WDFY3: variants seen among roughly 807,000 people sequenced by gnomAD.
WDFY3 encodes the protein WD repeat and FYVE domain containing 3.
WDFY3 carries 66 observed loss-of-function variants against 409.6 expected under a neutral mutation model. The ratio of observed to expected loss-of-function variants is 0.16; its 90% CI spans 0.13 to 0.20. WDFY3 has a LOEUF of 0.20. Ranked by LOEUF, WDFY3 falls within the 10% of genes least tolerant of loss-of-function variation. The probability of loss-of-function intolerance (pLI) is 1.00; values close to 1 mark genes in which losing one functional copy is unlikely to be tolerated. For synonymous variants in WDFY3, 1,521 were observed against 1,537.1 expected, an observed-to-expected ratio of 0.99 and a Z score of 0.25; for missense variants, 3,031 against 4,298.1, an observed-to-expected ratio of 0.71 and a Z score of 8.24.
At chr4:84,877,426 T>G (rs1345040699) in intron 3 of WDFY3, among the ~76,000 whole-genome samples, 1 of 152,126 alleles carries the variant, frequency 6.6e-6, no homozygotes, top group Non-Finnish European at 1.5e-5. Context: ...CTCCATCTCC[T>G]GGGCTCAAAC....
At chr4:84,674,745 G>A (rs1725970130) in intron 67 of WDFY3, among the ~76,000 whole-genome samples, 1 of 151,190 alleles carries the variant, frequency 6.6e-6, no homozygotes, top group Non-Finnish European at 1.5e-5. Flanking sequence ...GTGCACGCCT[G>A]TAGTCCCAGC....
At chr4:84,839,070 T>G (rs972555222) in intron 6 of WDFY3, among the ~76,000 whole-genome samples, 1 of 152,206 alleles carries the variant, frequency 6.6e-6, no homozygotes, top group Non-Finnish European at 1.5e-5. Context: ...TAGGTTTAGC[T>G]GGCCACTAAG....
chr4:84,718,471 T>A lies in WDFY3; in HGVS notation c.7705A>T (p.Thr2569Ser), dbSNP rs769975051. 1 of 1,614,092 alleles carries A rather than the reference T, an allele frequency of 6.2e-7. No individual in the cohort carries two copies. Among genetic ancestry groups the A allele is most frequent in the South Asian group, 1.1e-5 (1 of 91,080 alleles). Residue 2569 changes from threonine (T) to serine (S), a missense_variant, in exon 48 of 68, where the codon ACC becomes TCC. Physicochemically the swap from Thr to Ser is moderately conservative, Grantham distance 58. Coordinates refer to ENST00000295888, the MANE Select transcript of WDFY3 (RefSeq NM_014991.6). Reference sequence around the variant, plus strand: ...CTTATTTCCCTGGTTGCTGTCATGGTAAATCCATCAATCACATAAAAATGC... The same window carrying A: ...CTTATTTCCCTGGTTGCTGTCATGGAAAATCCATCAATCACATAAAAATGC... Reference protein sequence around the residue: ...KEHFYVIDGFTMTATREIRDI... With the variant: ...KEHFYVIDGFSMTATREIRDI...
chr4:84,747,728 G>A (rs1318914202), intron 36 of WDFY3, among the ~76,000 whole-genome samples: 2 of 151,960 alleles, frequency 1.3e-5, no homozygotes, highest in African/African-American at 4.8e-5. Context: ...GTTTTATAAG[G>A]GGGTTTTCCC....
Position 84,809,507 on chromosome 4 carries a change from C to T in WDFY3, c.2345+380G>A, listed in dbSNP as rs575059117. On this transcript the variant is annotated intron_variant, in intron 14 of 67. Transcript: ENST00000295888. ...ATGTGGAGAATGATGGAGTACGTGTCTGGAAATAAGAATAATCATAATGAT... is the reference window on the plus strand; with the variant it reads ...ATGTGGAGAATGATGGAGTACGTGTTTGGAAATAAGAATAATCATAATGAT... 31 of 160,398 alleles carry T rather than the reference C, an allele frequency of 1.9e-4. No homozygotes were observed. The South Asian group carries it at 3.3e-3, about 17-fold the overall frequency. 9.9% of individuals were successfully genotyped at this position (160,398 alleles called of 1,614,324 possible). A position where few individuals can be genotyped will look rare whatever the true frequency, so the allele number is the denominator to read the frequency against.
intron 21 of WDFY3, among the ~76,000 whole-genome samples, chr4:84,792,733 G>A (rs1748733410): frequency 6.6e-6 from 1 of 152,160 alleles, no homozygotes; most frequent in African/African-American, 2.4e-5. Context: ...CTAGTTTACA[G>A]ATTTATCTCC....
Position 84,921,646 on chromosome 4 carries a change from A to ATTTTTTTT in WDFY3, c.-132+10616_-132+10623dup, listed in dbSNP as rs747576197. Among the ~76,000 whole-genome samples, 60 of 78,676 alleles carry ATTTTTTTT rather than the reference A, an allele frequency of 7.6e-4. 4 individuals are homozygous for ATTTTTTTT. The highest frequency in any genetic ancestry group is 2.9e-3 in the African/African-American group (51 of 17,626). 51.6% of individuals were successfully genotyped at this position (78,676 alleles called of 152,430 possible). ...ATGGAACCAAGTCTCTATTGCTTTC[A>ATTTTTTTT]TTTTTTTTTTTTTTTTTTTTTTTTT... On this transcript the variant is annotated intron_variant, in intron 2 of 67. Transcript: ENST00000295888.
Position 84,930,518 on chromosome 4 carries a change from G to A in WDFY3, c.-132+1752C>T, listed in dbSNP as rs555095308. Among the ~76,000 whole-genome samples, 6 of 152,260 alleles carry A rather than the reference G, an allele frequency of 3.9e-5. No homozygotes were observed. In the East Asian group the frequency reaches 5.8e-4, roughly 15 times the overall value. On this transcript the variant is annotated intron_variant, in intron 2 of 67. Transcript: ENST00000295888. Reference sequence around the variant, plus strand: ...AAAGGTCACAAAGCTAGTACGTGGCGATGCCGGATCTGAATAAATTGAGGT... The same window carrying A: ...AAAGGTCACAAAGCTAGTACGTGGCAATGCCGGATCTGAATAAATTGAGGT...
intron 32 of WDFY3, among the ~76,000 whole-genome samples, chr4:84,760,100 T>A (rs527411439): frequency 6.0e-5 from 9 of 151,090 alleles, no homozygotes; most frequent in Non-Finnish European, 1.3e-4. Flanking sequence ...ATATGCTGGA[T>A]GACATTTATT....
chr4:84,807,928 ACAAATGAT>A (rs1420099549), intron 15 of WDFY3, among the ~76,000 whole-genome samples: 1 of 152,136 alleles, frequency 6.6e-6, no homozygotes, highest in East Asian at 1.9e-4. Flanking sequence ...GTAAAAACCA[ACAAATGAT>A]CCCAACGTTT....
Position 84,783,007 on chromosome 4 carries a change from T to C in WDFY3, c.4130A>G (p.Asn1377Ser), listed in dbSNP as rs752887103. ...GGCCCCAATTGTCCGTGCAGATCCA[T>C]TAAGATGTCCTGCTGAATTGTGTAT... ...KLIHNSAGHLNGSARTIGAAL... is the reference protein window; with the variant it reads ...KLIHNSAGHLSGSARTIGAAL... The change falls in exon 25 of 68, where the codon AAT (asparagine) becomes AGT (serine). Residue 1377 changes from asparagine to serine, a missense_variant. This residue lies in a region of WDFY3 where 1,322 missense variants were observed against 1,697.9 expected (regional missense o/e 0.78). Coordinates refer to ENST00000295888, the MANE Select transcript of WDFY3 (RefSeq NM_014991.6). 1 of 1,614,086 alleles carries C rather than the reference T, an allele frequency of 6.2e-7. No individual in the cohort carries two copies. Among genetic ancestry groups the C allele is most frequent in the South Asian group, 1.1e-5 (1 of 91,070 alleles).
In WDFY3 at chr4:84,739,116, G is replaced by A. The variant is rs915495965; in HGVS notation, c.6468C>T (p.Asn2156=). 3.7e-6 allele frequency: 6 copies of A among 1,613,896 alleles called. No individual in the cohort carries two copies. Among genetic ancestry groups the A allele is most frequent in the Middle Eastern group, 1.7e-4 (1 of 6,060 alleles). The change falls in exon 40 of 68, where the codon AAC becomes AAT. Residue 2156 remains asparagine, a synonymous_variant. Coordinates refer to ENST00000295888, the MANE Select transcript of WDFY3 (RefSeq NM_014991.6). ...HCLINLHVGS[N]VDGFGLEAEA... ...CTGCTTCCAGTCCAAATCCATCCAC[G>A]TTGCTGAAAAATTCCAGTCAGTTTA... is the stretch of plus-strand genomic sequence containing the variant.
intron 6 of WDFY3, among the ~76,000 whole-genome samples, chr4:84,839,503 AAACCTGGAAAATCCCAGG>A (rs1757038097): frequency 6.6e-6 from 1 of 151,912 alleles, no homozygotes; most frequent in Admixed American, 6.6e-5. Context: ...TCCTATCCTA[AAACCTGGAAAATCCCAGG>A]AACACCAGGA....
At position 84,778,385 on chromosome 4, in the gene WDFY3, T is replaced by C. The variant is rs542278967; in HGVS notation, c.4518+118A>G. On this transcript the variant is annotated intron_variant, in intron 27 of 67. Transcript: ENST00000295888. Reference sequence around the variant, plus strand: ...TATATTTTACTAAATGATATTAACATGAACATCATAAAATTATAGGGCTTT... The same window carrying C: ...TATATTTTACTAAATGATATTAACACGAACATCATAAAATTATAGGGCTTT... 28 of 927,230 alleles carry C rather than the reference T, an allele frequency of 3.0e-5. No individual in the cohort carries two copies. The South Asian group carries it at 7.3e-4, about 24-fold the overall frequency. 57.4% of individuals were successfully genotyped at this position (927,230 alleles called of 1,614,324 possible).
chr4:84,764,697 TA>T (rs1340676664), intron 32 of WDFY3, among the ~76,000 whole-genome samples: 404 of 141,150 alleles, frequency 2.9e-3, no homozygotes, highest in Middle Eastern at 7.3e-3. Context: ...CCGTCTCTAC[TA>T]AAAAAAAAAA....
chr4:84,796,575 C>G lies in WDFY3; in HGVS notation c.3113G>C (p.Gly1038Ala). 6.2e-7 allele frequency: 1 copy of G among 1,612,532 alleles called. No individual in the cohort carries two copies. The highest frequency in any genetic ancestry group is 8.5e-7 in the Non-Finnish European group (1 of 1,179,190). ...MTTPHDIRLH[G>A]SSVTPAFVEF... is the part of the protein sequence containing the mutation. ...AACAAAAGCTGGAGTAACTGATGACCCATGAAGTCTGATGTCATGTGGGGT... is the reference window on the plus strand; with the variant it reads ...AACAAAAGCTGGAGTAACTGATGACGCATGAAGTCTGATGTCATGTGGGGT... The change falls in exon 19 of 68, where the codon GGG becomes GCG. Residue 1038 changes from glycine (G) to alanine (A), a missense_variant. Physicochemically the swap from Gly to Ala is moderately conservative, Grantham distance 60. Coordinates refer to ENST00000295888, the MANE Select transcript of WDFY3 (RefSeq NM_014991.6).
At chr4:84,915,282 T>C (rs141280005) in intron 2 of WDFY3, among the ~76,000 whole-genome samples, 1 of 152,302 alleles carries the variant, frequency 6.6e-6, no homozygotes, top group African/African-American at 2.4e-5. Flanking sequence ...TGAACATATA[T>C]AATGCTGCTG....
At chr4:84,727,580 A>C (rs1735872065) in intron 44 of WDFY3, among the ~76,000 whole-genome samples, 2 of 152,178 alleles carry the variant, frequency 1.3e-5, no homozygotes, top group African/African-American at 4.8e-5. Flanking sequence ...TTTCAGAATA[A>C]AATCCTGGTT....
chr4:84,965,982 G>A (rs1561184597), intron 1 of WDFY3: 3 of 152,734 alleles, frequency 2.0e-5, no homozygotes, highest in African/African-American at 4.8e-5. Flanking sequence ...GGCAGCGGAG[G>A]ACTAGGGCCA....
Sources: allele counts gnomAD v4.1 joint callset (sites outside exome capture counted in the v4.1 genomes callset), GRCh38; gene constraint gnomAD v4.1.1; regional missense constraint gnomAD v4.1.1; transcripts MANE v1.5; gene names NCBI Gene and HGNC (gene_info 2026-07-23, HGNC 2026-07-21).